DYNC2I1: variants seen among roughly 807,000 people sequenced by gnomAD.
DYNC2I1 encodes the protein cytoplasmic dynein 2 intermediate chain 1.
In DYNC2I1, 89 loss-of-function variants were observed where a neutral mutation model predicts 133.4. That is an observed-to-expected ratio of 0.67 (90% CI 0.56 to 0.80). The LOEUF is 0.80. Ranked by LOEUF, DYNC2I1 falls within the 30% of genes least tolerant of loss-of-function variation. The pLI is 0.00. For synonymous variants in DYNC2I1, 504 were observed against 484.3 expected, an observed-to-expected ratio of 1.04 and a Z score of -0.54; for missense variants, 1,291 against 1,314.5, an observed-to-expected ratio of 0.98 and a Z score of 0.28.
chr7:158,886,826 C>T (rs1844654136), intron 6 of DYNC2I1, among the ~76,000 whole-genome samples, 195 bp from the exon 7 acceptor site: 1 of 152,160 alleles, frequency 6.6e-6, no homozygotes, highest in African/African-American at 2.4e-5. Flanking sequence ...GTCCCGAACT[C>T]CTGGCCTCAA....
chr7:158,899,665 G>T (rs1326595338), intron 8 of DYNC2I1, among the ~76,000 whole-genome samples: 1 of 152,144 alleles, frequency 6.6e-6, no homozygotes, highest in Admixed American at 6.6e-5. Context: ...TGCTATTCTC[G>T]TGATAGTGAA....
chr7:158,848,656 G>A, the DYNC2I1 span, among the ~76,000 whole-genome samples: 1 of 152,024 alleles, frequency 6.6e-6, no homozygotes, highest in South Asian at 2.1e-4. Context: ...CGGGCGCGGT[G>A]ACTCACGCCT....
At chr7:158,917,744 C>T (rs13226825) in intron 14 of DYNC2I1, among the ~76,000 whole-genome samples, 2,293 of 108,694 alleles carry the variant, frequency 0.021, 219 homozygotes, top group African/African-American at 0.049. Context: ...TCACTAAACA[C>T]TCCTTTTCTT....
the DYNC2I1 span, among the ~76,000 whole-genome samples, chr7:158,844,538 A>G: frequency 0.06 from 9,164 of 152,278 alleles, 338 homozygotes; most frequent in South Asian, 0.095. Flanking sequence ...CACAAGATAA[A>G]GTGAAAGTTT....
chr7:158,954,323 C>A (rs1043976813), intron 4 of DYNC2I1, among the ~76,000 whole-genome samples: 4 of 152,126 alleles, frequency 2.6e-5, no homozygotes, highest in African/African-American at 9.7e-5. Context: ...CTTATTAAGA[C>A]CAGGGCATTG....
At position 158,876,753 on chromosome 7, in the gene DYNC2I1, G is replaced by A. The variant is rs532719663; in HGVS notation, c.573+62G>A. On this transcript the variant is annotated intron_variant, in intron 4 of 24. Coordinates refer to ENST00000407559, the MANE Select transcript of DYNC2I1 (RefSeq NM_018051.5). Reference sequence around the variant, plus strand: ...TGTTGCCAAGTAAAGGATGTTTTAAGCATTATTGTTGGAAGCATTTTTAGA... The same window carrying A: ...TGTTGCCAAGTAAAGGATGTTTTAAACATTATTGTTGGAAGCATTTTTAGA... 2.6e-4 allele frequency: 380 copies of A among 1,482,654 alleles called. 1 individual carries two copies. In the Middle Eastern group the frequency reaches 5.0e-3, roughly 19 times the overall value. 91.8% of individuals were successfully genotyped at this position (1,482,654 alleles called of 1,614,324 possible).
At chr7:158,873,458 T>G (rs576044295) in intron 3 of DYNC2I1, among the ~76,000 whole-genome samples, 1 of 152,310 alleles carries the variant, frequency 6.6e-6, no homozygotes, top group East Asian at 1.9e-4. Flanking sequence ...GTTTGAAGAT[T>G]TAGACTATTA....
chr7:158,903,130 T>C (rs1846408404), intron 10 of DYNC2I1: 1 of 153,318 alleles, frequency 6.5e-6, no homozygotes, highest in South Asian at 2.0e-4. Flanking sequence ...ATGAGGCACG[T>C]GGGGACTGAG....
chr7:158,936,139 C>T (rs1013893263), intron 23 of DYNC2I1, among the ~76,000 whole-genome samples: 5 of 152,104 alleles, frequency 3.3e-5, no homozygotes, highest in African/African-American at 9.7e-5. Flanking sequence ...TGTGATGAGC[C>T]GAGATAGTGC....
At chr7:158,908,777 G>A (rs954786327) in intron 11 of DYNC2I1, among the ~76,000 whole-genome samples, 1 of 152,122 alleles carries the variant, frequency 6.6e-6, no homozygotes, top group Non-Finnish European at 1.5e-5. Flanking sequence ...AGCCATGGCC[G>A]GCCTGCTGGG....
chr7:158,878,355 C>T (rs188450054), intron 4 of DYNC2I1, among the ~76,000 whole-genome samples: 12 of 132,022 alleles, frequency 9.1e-5, no homozygotes, highest in East Asian at 5.1e-4. Context: ...TGTGGGGAGG[C>T]GAGGAGGGGA....
At chr7:158,869,794 C>G (rs1842718890) in intron 1 of DYNC2I1, 61 bp from the exon 2 acceptor site, 8 of 1,332,478 alleles carry the variant, frequency 6.0e-6, no homozygotes, top group African/African-American at 1.5e-5. Flanking sequence ...GAAAAAGCAG[C>G]TCACTACAAC....
intron 5 of DYNC2I1, among the ~76,000 whole-genome samples, chr7:158,883,829 A>G (rs866380843): frequency 2.7e-5 from 4 of 148,058 alleles, no homozygotes; most frequent in Middle Eastern, 3.6e-3. Context: ...ACACCCGGCT[A>G]ATTTTTTTGT....
Position 158,945,530 on chromosome 7 carries a change from G to A in DYNC2I1, c.3003-51G>A. On this transcript the variant is annotated intron_variant, in intron 24 of 24. Coordinates refer to ENST00000407559, the MANE Select transcript of DYNC2I1 (RefSeq NM_018051.5). This position sits in a 1 kb window ranked among gnomAD's most constrained non-coding sequence, Gnocchi z 4.1. ...ACATTTTGAAGACTCAGACAGAACC[G>A]AATGTCCCTTTGTGTGCACTGACCC... The A allele has an allele frequency of 3.3e-6, 5 of 1,535,812 alleles. No homozygotes were observed. Among genetic ancestry groups the A allele is most frequent in the South Asian group, 1.2e-5 (1 of 82,388 alleles).
rs373640802 is a variant in DYNC2I1 at position 158,934,441 on chromosome 7, A to G, written c.2670A>G (p.Arg890=). Residue 890 remains arginine, a synonymous_variant, in exon 23 of 25, where the codon AGA becomes AGG. Transcript: ENST00000407559. The stretch of plus-strand genomic sequence containing the variant: ...AGGGTCTCATAAGCCATGGCACAAG[A>G]CAAGATTTGAGAGTGGCTCCCAAAC... The part of the protein sequence containing the change: ...TDMGLISHGT[R]QDLRVAPKLF... 291 of 1,601,346 alleles carry G rather than the reference A, an allele frequency of 1.8e-4. No homozygotes were observed. Among genetic ancestry groups the G allele is most frequent in the Non-Finnish European group, 2.4e-4 (277 of 1,173,598 alleles).
the DYNC2I1 span, among the ~76,000 whole-genome samples, chr7:158,847,127 C>T: frequency 3.9e-5 from 6 of 152,234 alleles, no homozygotes; most frequent in Non-Finnish European, 5.9e-5. Context: ...AGTAATATTT[C>T]GTAAGATTAA....
intron 24 of DYNC2I1, among the ~76,000 whole-genome samples, chr7:158,943,193 G>A (rs906704363): frequency 2.6e-5 from 4 of 152,122 alleles, no homozygotes; most frequent in African/African-American, 9.7e-5. Flanking sequence ...GTTTACTTAC[G>A]TTATTCTGAT....
At chr7:158,882,874 T>TTA (rs1563106551) in intron 5 of DYNC2I1, among the ~76,000 whole-genome samples, 28 of 88,296 alleles carry the variant, frequency 3.2e-4, no homozygotes, top group Non-Finnish European at 2.5e-4. Context: ...AGCCTTTGTC[T>TTA]CAAAAAAAAA....
At chr7:158,927,406 G>GT (rs1467382512) in intron 20 of DYNC2I1, among the ~76,000 whole-genome samples, 6 of 107,648 alleles carry the variant, frequency 5.6e-5, no homozygotes, top group Non-Finnish European at 9.2e-5. Context: ...TTGTCTCTCT[G>GT]TTAAAAAAAA....
Sources: gnomAD v4.1 joint callset for allele counts (sites outside exome capture counted in the v4.1 genomes callset) on GRCh38, gnomAD v4.1.1 for gene constraint, Gnocchi (gnomAD v3.1) non-coding constraint, MANE v1.5 for transcripts, NCBI Gene and HGNC (gene_info 2026-07-23, HGNC 2026-07-21) for gene names.